ATP11C: variants seen among roughly 807,000 people sequenced by gnomAD.
ATP11C encodes the protein phospholipid-transporting ATPase IG.
A neutral mutation model predicts 97.4 loss-of-function variants in ATP11C; 36 were observed. That is an observed-to-expected ratio of 0.37 (90% CI 0.28 to 0.49). ATP11C has a LOEUF of 0.49. ATP11C is among the 20% of genes least tolerant of loss of function. The pLI, the probability that ATP11C is intolerant of heterozygous loss-of-function variation, is 0.98. For synonymous variants in ATP11C, 275 were observed against 290.9 expected, an observed-to-expected ratio of 0.95 and a Z score of 0.56; for missense variants, 730 against 824.6, an observed-to-expected ratio of 0.89 and a Z score of 1.40.
chrX:139,875,419 C>CAA (rs35815603), intron 1 of ATP11C, among the ~76,000 whole-genome samples: 8 of 44,939 alleles, frequency 1.8e-4, no homozygotes, highest in South Asian at 1.1e-3. Context: ...CCCATCTCCA[C>CAA]AAAAAAAAAA....
intron 1 of ATP11C, among the ~76,000 whole-genome samples, chrX:139,903,734 G>A (rs774683390): frequency 9.0e-6 from 1 of 110,904 alleles, no homozygotes; most frequent in African/African-American, 3.3e-5. Flanking sequence ...CATCCTATCT[G>A]CCAGAGCCTT....
intron 18 of ATP11C, among the ~76,000 whole-genome samples, chrX:139,778,164 T>A (rs1461216287): frequency 9.0e-6 from 1 of 111,603 alleles, no homozygotes; most frequent in Admixed American, 9.5e-5. Context: ...CCTTTAGACT[T>A]CCTAAAGAAA....
intron 23 of ATP11C, among the ~76,000 whole-genome samples, chrX:139,757,251 G>A (rs779484350): frequency 9.0e-6 from 1 of 111,307 alleles, no homozygotes; most frequent in Non-Finnish European, 1.9e-5. Context: ...CCTCCCACTA[G>A]AAGCAATGCC....
intron 18 of ATP11C, 123 bp from the exon 19 acceptor site, chrX:139,775,076 G>A (rs905949076): frequency 4.4e-5 from 31 of 707,524 alleles, no homozygotes; most frequent in African/African-American, 3.7e-4. Context: ...ACCTTATCAC[G>A]GTTGACTTTC....
At chrX:139,738,151 G>A (rs2081483484) in intron 27 of ATP11C, 82 bp from the exon 28 acceptor site, 2 of 839,225 alleles carry the variant, frequency 2.4e-6, no homozygotes, top group South Asian at 3.7e-5. Context: ...AATGTCGTTT[G>A]TATTTAAAAA....
At chrX:139,788,147 T>G (rs371398029) in intron 14 of ATP11C, 45 bp downstream of exon 14, 2 of 1,101,560 alleles carry the variant, frequency 1.8e-6, no homozygotes. Flanking sequence ...TCTGTCCTCC[T>G]GTGATTTCAC....
chrX:139,933,399 A>G (rs937840490), upstream of ATP11C, among the ~76,000 whole-genome samples: 1 of 111,873 alleles, frequency 8.9e-6, no homozygotes, highest in Non-Finnish European at 1.9e-5. Context: ...TGGAACGCAA[A>G]ATGTGCGCAT....
At chrX:139,921,227 T>A (rs1289476948) in intron 1 of ATP11C, among the ~76,000 whole-genome samples, 2 of 111,422 alleles carry the variant, frequency 1.8e-5, no homozygotes, top group Non-Finnish European at 3.8e-5. Context: ...CACCCAAATC[T>A]CATCTTGAAT....
At chrX:139,790,464 TCA>T (rs56853640) in intron 12 of ATP11C, among the ~76,000 whole-genome samples, 12,011 of 98,678 alleles carry the variant, frequency 0.12, 687 homozygotes, top group East Asian at 0.3. Context: ...TCTCTCTCAC[TCA>T]CACACACACA....
chrX:139,879,891 GAGA>G (rs752765308), intron 1 of ATP11C, among the ~76,000 whole-genome samples: 9 of 111,153 alleles, frequency 8.1e-5, no homozygotes, highest in African/African-American at 2.9e-4. Flanking sequence ...TTCAGAAGGA[GAGA>G]AGGTTTTTGA....
intron 5 of ATP11C, among the ~76,000 whole-genome samples, chrX:139,805,032 A>C (rs2083011072): frequency 8.9e-6 from 1 of 112,036 alleles, no homozygotes; most frequent in South Asian, 3.8e-4. Context: ...GCCATGTGGT[A>C]ACAACTGTGT....
At chrX:139,807,278 TA>T (rs57073976) in intron 5 of ATP11C, among the ~76,000 whole-genome samples, 5,512 of 110,577 alleles carry the variant, frequency 0.05, 241 homozygotes, top group East Asian at 0.3. Context: ...AGGAACACCA[TA>T]AAAAACTCTC....
chrX:139,767,797 C>T (rs967297373), intron 20 of ATP11C, among the ~76,000 whole-genome samples: 3 of 111,559 alleles, frequency 2.7e-5, no homozygotes, highest in Non-Finnish European at 5.7e-5. Flanking sequence ...GACCATGGAC[C>T]GTCACAGAGA....
chrX:139,885,232 A>C (rs2084621774), intron 1 of ATP11C, among the ~76,000 whole-genome samples: 1 of 110,659 alleles, frequency 9.0e-6, no homozygotes, highest in Admixed American at 9.7e-5. Flanking sequence ...GATACCATAC[A>C]GTGAGCTAAT....
intron 20 of ATP11C, among the ~76,000 whole-genome samples, chrX:139,767,103 G>A (rs769218300): frequency 9.0e-6 from 1 of 111,642 alleles, no homozygotes; most frequent in South Asian, 3.8e-4. Context: ...GGAGCCCCAG[G>A]CGCCACATTC....
intron 29 of ATP11C, among the ~76,000 whole-genome samples, chrX:139,730,668 A>G (rs1326053163): frequency 2.7e-5 from 3 of 111,250 alleles, no homozygotes; most frequent in Non-Finnish European, 5.7e-5. Flanking sequence ...CTAACCCACA[A>G]TTGTATTCAT....
chrX:139,803,408 G>A (rs903833137), intron 6 of ATP11C, among the ~76,000 whole-genome samples: 2 of 110,938 alleles, frequency 1.8e-5, no homozygotes, highest in Non-Finnish European at 3.8e-5. Context: ...AACAAACAGA[G>A]GAGCCCTCCA....
chrX:139,738,841 G>A lies in ATP11C; in HGVS notation c.3135-772C>T, dbSNP rs756265710. Among the ~76,000 whole-genome samples the A allele has an allele frequency of 1.5e-3, 166 of 110,303 alleles. 2 individuals carry two copies. The highest frequency in any genetic ancestry group is 2.8e-3 in the Non-Finnish European group (150 of 52,655). The stretch of plus-strand genomic sequence containing the variant: ...TCTTTGAAGGTGAGGGGGAAGAAGT[G>A]GTTGCTTAAAGACAGGATGCACATC... On this transcript the variant is annotated intron_variant, in intron 27 of 29. Coordinates refer to ENST00000682941, the MANE Select transcript of ATP11C (RefSeq NM_001353812.2).
chrX:139,802,327 C>T lies in ATP11C; in HGVS notation c.568G>A (p.Val190Ile). The T allele has an allele frequency of 2.5e-6, 3 of 1,188,229 alleles. No individual in the cohort carries two copies. The highest frequency in any genetic ancestry group is 3.4e-6 in the Non-Finnish European group (3 of 876,316). ...GTACACAGTGCAATGGTATCACGTACTGCATAATGTGTCTAGTTGAAAGCA... is the reference window on the plus strand; with the variant it reads ...GTACACAGTGCAATGGTATCACGTATTGCATAATGTGTCTAGTTGAAAGCA... ...GESNCKTHYA[V>I]RDTIALCTAE... The change falls in exon 7 of 30, where the codon GTA becomes ATA. Residue 190 changes from valine (V) to isoleucine (I), a missense_variant. Val to Ile is a conservative substitution (Grantham distance 29). Coordinates refer to ENST00000682941, the MANE Select transcript of ATP11C (RefSeq NM_001353812.2).
Sources: allele counts gnomAD v4.1 joint callset (sites outside exome capture counted in the v4.1 genomes callset), GRCh38; gene constraint gnomAD v4.1.1; transcripts MANE v1.5; gene names NCBI Gene and HGNC (gene_info 2026-07-23, HGNC 2026-07-21).